The following TIMM23B variants were observed in gnomAD, a reference collection of about 807,000 sequenced individuals.
The protein encoded by TIMM23B is mitochondrial import inner membrane translocase subunit Tim23B.
TIMM23B carries 27 observed loss-of-function variants against 27.3 expected under a neutral mutation model. The ratio of observed to expected loss-of-function variants is 0.99; its 90% CI spans 0.73 to 1.36. The LOEUF is 1.36. TIMM23B is among the 40% of genes most tolerant of loss of function. The probability of loss-of-function intolerance (pLI) is 0.00; values close to 1 mark genes in which losing one functional copy is unlikely to be tolerated. For synonymous variants in TIMM23B, 73 were observed against 92.4 expected (o/e 0.79, Z 1.21); for missense variants, 205 against 244.2 (o/e 0.84, Z 1.07).
chr10:49,966,076 A>G (rs544211968), intron 6 of TIMM23B, among the ~76,000 whole-genome samples: 8 of 57,680 alleles, frequency 1.4e-4, no homozygotes, highest in African/African-American at 2.6e-4. Context: ...ATGACATGAC[A>G]TGACATGACA....
intron 4 of TIMM23B, among the ~76,000 whole-genome samples, 153 bp from the exon 5 acceptor site, chr10:49,954,849 C>G (rs1260044991): frequency 1.3e-5 from 2 of 151,168 alleles, no homozygotes; most frequent in African/African-American, 4.9e-5. Context: ...TAAAAACCAT[C>G]CTTATTGAAA....
At chr10:49,970,738 C>A (rs1329384186) in intron 6 of TIMM23B, among the ~76,000 whole-genome samples, 1 of 150,700 alleles carries the variant, frequency 6.6e-6, no homozygotes, top group African/African-American at 2.4e-5. Flanking sequence ...GGCTGCCGCC[C>A]CGTCTGGGAG....
chr10:49,952,023 G>C lies in TIMM23B; in HGVS notation c.166-103G>C, dbSNP rs1839549690. 3.8e-5 allele frequency: 31 copies of C among 819,488 alleles called. No homozygotes were observed. The Admixed American group carries it at 4.2e-4, about 11-fold the overall frequency. 50.8% of individuals were successfully genotyped at this position (819,488 alleles called of 1,614,324 possible). On this transcript the variant is annotated intron_variant, in intron 2 of 6. Transcript: ENST00000651259. ...TAAGTATAGGTTTGAGTTAATTTAAGGTTTATTTTCTGTGAAAAACTACTT... is the reference window on the plus strand; with the variant it reads ...TAAGTATAGGTTTGAGTTAATTTAACGTTTATTTTCTGTGAAAAACTACTT...
chr10:49,945,980 A>G (rs1839344447), intron 2 of TIMM23B, among the ~76,000 whole-genome samples: 1 of 152,252 alleles, frequency 6.6e-6, no homozygotes, highest in Non-Finnish European at 1.5e-5. Flanking sequence ...ACTTGAGGCC[A>G]GGAGTTTGAG....
At chr10:49,946,185 G>T (rs1362785331) in intron 2 of TIMM23B, among the ~76,000 whole-genome samples, 1 of 140,794 alleles carries the variant, frequency 7.1e-6, no homozygotes, top group Non-Finnish European at 1.5e-5. Flanking sequence ...GTAAGACCCT[G>T]TCTCTAAATA....
At chr10:49,972,961 T>C (rs1441679159) in intron 6 of TIMM23B, 51 bp from the exon 7 acceptor site, 2 of 915,144 alleles carry the variant, frequency 2.2e-6, no homozygotes, top group African/African-American at 3.3e-5. Context: ...ATCAATCTCT[T>C]GTTCATTTCT....
At chr10:49,945,526 G>A (rs1201293997) in intron 2 of TIMM23B, among the ~76,000 whole-genome samples, 13 of 152,186 alleles carry the variant, frequency 8.5e-5, no homozygotes, top group Non-Finnish European at 1.5e-4. Context: ...GACTACAGGC[G>A]CCCATCACCA....
intron 2 of TIMM23B, among the ~76,000 whole-genome samples, chr10:49,947,338 TG>T (rs1344154493): frequency 6.6e-6 from 1 of 152,236 alleles, no homozygotes; most frequent in Non-Finnish European, 1.5e-5. Context: ...CCAGGTGCAG[TG>T]GCTCACACCT....
At chr10:49,964,780 C>T (rs1384713934) in intron 6 of TIMM23B, among the ~76,000 whole-genome samples, 5 of 147,970 alleles carry the variant, frequency 3.4e-5, no homozygotes, top group East Asian at 2.0e-4. Context: ...AATGAAATGC[C>T]GGGTGAAATG....
chr10:49,971,988 ATCTT>A (rs1182930360), intron 6 of TIMM23B, among the ~76,000 whole-genome samples: 3 of 152,222 alleles, frequency 2.0e-5, no homozygotes, highest in African/African-American at 7.2e-5. Flanking sequence ...GGACTAAAGC[ATCTT>A]TCTATCTGGG....
At chr10:49,953,673 T>G (rs1839615549) in intron 4 of TIMM23B, among the ~76,000 whole-genome samples, 1 of 152,316 alleles carries the variant, frequency 6.6e-6, no homozygotes, top group East Asian at 1.9e-4. Context: ...TTCCTGTTAC[T>G]GTGTGGATCT....
In TIMM23B at chr10:49,968,922, C is replaced by G. The variant is rs539086143; in HGVS notation, c.515-4090C>G. 4.6e-5 allele frequency among the ~76,000 whole-genome samples: 7 copies of G among 152,328 alleles called. No individual in the cohort carries two copies. In the South Asian group the frequency reaches 1.4e-3, roughly 32 times the overall value. The stretch of plus-strand genomic sequence containing the variant: ...AAGGTCCGCCTAATACCTTGCTCAT[C>G]TATAAAATTGCGGTATGATGATTAT... On this transcript the variant is annotated intron_variant, in intron 6 of 6. Transcript: ENST00000651259.
At chr10:49,970,739 C>T (rs1331184910) in intron 6 of TIMM23B, among the ~76,000 whole-genome samples, 33 of 126,350 alleles carry the variant, frequency 2.6e-4, no homozygotes, top group African/African-American at 6.8e-4. Context: ...GCTGCCGCCC[C>T]GTCTGGGAGG....
intron 6 of TIMM23B, among the ~76,000 whole-genome samples, chr10:49,965,933 G>T (rs534065906): frequency 1.6e-5 from 2 of 128,196 alleles, no homozygotes; most frequent in Admixed American, 1.4e-4. Context: ...GAAATGAAAC[G>T]AAATGAAATG....
chr10:49,968,989 C>T (rs569636424), intron 6 of TIMM23B, among the ~76,000 whole-genome samples: 38 of 152,302 alleles, frequency 2.5e-4, no homozygotes, highest in South Asian at 1.2e-3. Context: ...AAACAAGTTC[C>T]ATTACGTGCT....
intron 2 of TIMM23B, among the ~76,000 whole-genome samples, chr10:49,947,929 A>G (rs1280908568): frequency 6.6e-6 from 1 of 152,244 alleles, no homozygotes; most frequent in Non-Finnish European, 1.5e-5. Flanking sequence ...CTTTGTCTCA[A>G]AAGGAAAAAA....
intron 1 of TIMM23B, 64 bp downstream of exon 1, chr10:49,942,364 C>A: frequency 6.4e-7 from 1 of 1,560,680 alleles, no homozygotes; most frequent in Non-Finnish European, 8.7e-7. Flanking sequence ...TAAAGTTGCG[C>A]GTCCCATGTT....
intron 5 of TIMM23B, 35 bp downstream of exon 5, chr10:49,955,095 A>T: frequency 6.2e-7 from 1 of 1,602,638 alleles, no homozygotes; most frequent in East Asian, 2.2e-5. Flanking sequence ...TAAATTGTTA[A>T]CTTAAAGAAA....
At chr10:49,953,727 C>T (rs1257441178) in intron 4 of TIMM23B, among the ~76,000 whole-genome samples, 3 of 152,116 alleles carry the variant, frequency 2.0e-5, no homozygotes, top group East Asian at 1.9e-4. Flanking sequence ...ATTTTTATTA[C>T]TTGTCCCTCG....
Sources: gnomAD v4.1 joint callset for allele counts (sites outside exome capture counted in the v4.1 genomes callset) on GRCh38, gnomAD v4.1.1 for gene constraint, MANE v1.5 for transcripts, NCBI Gene and HGNC (gene_info 2026-07-23, HGNC 2026-07-21) for gene names.